The following AGBL1 variants were observed in gnomAD, a reference collection of about 807,000 sequenced individuals.
AGBL1 encodes AGBL carboxypeptidase 1, also known as cytosolic carboxypeptidase 4.
A neutral mutation model predicts 118.9 loss-of-function variants in AGBL1; 130 were observed. That is an observed-to-expected ratio of 1.09 (90% CI 0.95 to 1.26). The LOEUF is 1.26. Among genes scored for constraint, AGBL1 ranks in the 50% most tolerant of loss-of-function variants. The pLI is 0.00. For missense variants in AGBL1, 1,584 were observed against 1,298.1 expected, an observed-to-expected ratio of 1.22 and a Z score of -3.38; for synonymous variants, 555 against 478.9, an observed-to-expected ratio of 1.16 and a Z score of -2.08.
intron 24 of AGBL1, among the ~76,000 whole-genome samples, chr15:87,006,790 G>A (rs918653303): frequency 2.6e-5 from 4 of 152,162 alleles, no homozygotes; most frequent in African/African-American, 9.7e-5. Flanking sequence ...GCTGTAGACT[G>A]GAGCTGTTGC....
intron 17 of AGBL1, among the ~76,000 whole-genome samples, chr15:86,328,832 C>T (rs561533294): frequency 3.9e-5 from 6 of 152,288 alleles, no homozygotes; most frequent in South Asian, 2.1e-4. Context: ...CACTGGGAAA[C>T]GCTGCAGGCA....
At chr15:86,966,163 G>T (rs1397785715) in intron 23 of AGBL1, among the ~76,000 whole-genome samples, 1 of 151,812 alleles carries the variant, frequency 6.6e-6, no homozygotes, top group Non-Finnish European at 1.5e-5. Flanking sequence ...TAAAGGCTAA[G>T]GTATCAGGGA....
intron 23 of AGBL1, among the ~76,000 whole-genome samples, chr15:86,969,441 A>C (rs1422707042): frequency 6.6e-6 from 1 of 152,040 alleles, no homozygotes; most frequent in African/African-American, 2.4e-5. Context: ...GGAACACCTT[A>C]AGTCTCTGCC....
chr15:86,994,014 A>G (rs190163655), intron 24 of AGBL1, among the ~76,000 whole-genome samples: 1 of 152,128 alleles, frequency 6.6e-6, no homozygotes, highest in Admixed American at 6.5e-5. Context: ...TCGACGTCAC[A>G]ACGCTTCATT....
At chr15:86,974,087 ATATAT>A (rs1422408426) in intron 23 of AGBL1, among the ~76,000 whole-genome samples, 2 of 79,314 alleles carry the variant, frequency 2.5e-5, no homozygotes, top group African/African-American at 1.0e-4. Flanking sequence ...AAACATTTTA[ATATAT>A]TAAATATAAA....
intron 18 of AGBL1, among the ~76,000 whole-genome samples, chr15:86,508,437 C>T (rs1329077554): frequency 1.3e-5 from 2 of 152,056 alleles, no homozygotes; most frequent in African/African-American, 4.8e-5. Context: ...AATTTCCAGA[C>T]TTTTTCCAGG....
intron 21 of AGBL1, among the ~76,000 whole-genome samples, chr15:86,557,916 A>C (rs987282458): frequency 6.6e-6 from 1 of 152,186 alleles, no homozygotes; most frequent in Non-Finnish European, 1.5e-5. Flanking sequence ...ATTGTGGTCC[A>C]AATGTGATCA....
chr15:86,868,832 T>A (rs2079677596), intron 22 of AGBL1, among the ~76,000 whole-genome samples: 1 of 152,068 alleles, frequency 6.6e-6, no homozygotes, highest in Non-Finnish European at 1.5e-5. Flanking sequence ...ACATGCAACA[T>A]GTTGAAAAAA....
At chr15:86,442,989 C>T (rs1567262891) in intron 18 of AGBL1, among the ~76,000 whole-genome samples, 1 of 152,176 alleles carries the variant, frequency 6.6e-6, no homozygotes, top group South Asian at 2.1e-4. Context: ...GGGGCAGGAT[C>T]GTGGGTGTTA....
chr15:86,777,011 A>ACT (rs905602005), intron 22 of AGBL1, among the ~76,000 whole-genome samples: 2 of 152,024 alleles, frequency 1.3e-5, no homozygotes, highest in African/African-American at 4.8e-5. Context: ...TTTTCTAAAC[A>ACT]TTTTAGAGGA....
In AGBL1 at chr15:86,386,412, C is replaced by T. The variant is rs1312459760; in HGVS notation, c.2375-10954C>T. Among the ~76,000 whole-genome samples the T allele has an allele frequency of 4.7e-5, 7 of 149,250 alleles. No homozygotes were observed. In the Admixed American group the frequency reaches 4.7e-4, roughly 10 times the overall value. On this transcript the variant is annotated intron_variant, in intron 17 of 22. Coordinates refer to ENST00000614907, the MANE Select transcript of AGBL1 (RefSeq NM_001386094.1). ...GATTATTTTTTGATTTTATGCTAGA[C>T]GAGGGGTGGATTATTTGTGAGTTTT...
At chr15:86,114,790 G>C (rs539697406) in intron 1 of AGBL1, among the ~76,000 whole-genome samples, 1 of 152,276 alleles carries the variant, frequency 6.6e-6, no homozygotes, top group South Asian at 2.1e-4. Flanking sequence ...AGAACTGTTT[G>C]CATGCATGGG....
intron 19 of AGBL1, among the ~76,000 whole-genome samples, chr15:86,535,010 C>G (rs2083405205): frequency 6.6e-6 from 1 of 152,140 alleles, no homozygotes; most frequent in Non-Finnish European, 1.5e-5. Flanking sequence ...GCGTTTTTCA[C>G]TCTAGGTACA....
At chr15:86,235,394 G>A (rs1025847316) in intron 6 of AGBL1, among the ~76,000 whole-genome samples, 1 of 152,118 alleles carries the variant, frequency 6.6e-6, no homozygotes, top group Non-Finnish European at 1.5e-5. Context: ...TTACTCTAGG[G>A]AATCAAAGGT....
chr15:87,004,889 T>C (rs1162160984), intron 24 of AGBL1, among the ~76,000 whole-genome samples: 1 of 152,168 alleles, frequency 6.6e-6, no homozygotes, highest in African/African-American at 2.4e-5. Context: ...GCAGGAGTGT[T>C]GGTGACAAAA....
intron 22 of AGBL1, among the ~76,000 whole-genome samples, chr15:86,822,504 G>T (rs1179990454): frequency 6.6e-6 from 1 of 151,934 alleles, no homozygotes; most frequent in Non-Finnish European, 1.5e-5. Context: ...ATGAGGTGAA[G>T]GTGGAACGCA....
At chr15:86,407,930 C>T (rs1314603690) in intron 18 of AGBL1, among the ~76,000 whole-genome samples, 1 of 152,084 alleles carries the variant, frequency 6.6e-6, no homozygotes, top group African/African-American at 2.4e-5. Flanking sequence ...GTGAGTTTTG[C>T]AGTGCTCACC....
At chr15:86,347,240 A>G (rs761726807) in intron 17 of AGBL1, among the ~76,000 whole-genome samples, 10 of 152,230 alleles carry the variant, frequency 6.6e-5, no homozygotes, top group Non-Finnish European at 1.3e-4. Context: ...TTTCATGAAG[A>G]GCATTTTACA....
chr15:86,869,373 C>T (rs1344519101), intron 22 of AGBL1, among the ~76,000 whole-genome samples: 2 of 152,150 alleles, frequency 1.3e-5, no homozygotes, highest in South Asian at 2.1e-4. Context: ...TCCTCTCTGC[C>T]TCAGAGCCGC....
Sources: allele counts gnomAD v4.1 joint callset (sites outside exome capture counted in the v4.1 genomes callset), GRCh38; gene constraint gnomAD v4.1.1; transcripts MANE v1.5; gene names NCBI Gene and HGNC (gene_info 2026-07-23, HGNC 2026-07-21).